The following PPARGC1A variants were observed in gnomAD, a reference collection of about 807,000 sequenced individuals.
PPARGC1A encodes the protein PPARG coactivator 1 alpha, also known as peroxisome proliferator-activated receptor gamma coactivator 1-alpha.
A neutral mutation model predicts 88.7 loss-of-function variants in PPARGC1A; 25 were observed. That is an observed-to-expected ratio of 0.28 (90% CI 0.21 to 0.39). The LOEUF (loss-of-function observed/expected upper bound fraction) is 0.39, where lower values mean the gene tolerates loss of function less well. Ranked by LOEUF, PPARGC1A falls within the 10% of genes least tolerant of loss-of-function variation. The probability of loss-of-function intolerance (pLI) is 1.00; values close to 1 mark genes in which losing one functional copy is unlikely to be tolerated. For missense variants in PPARGC1A, 880 were observed against 968.7 expected, an observed-to-expected ratio of 0.91 and a Z score of 1.22; for synonymous variants, 363 against 355.6, an observed-to-expected ratio of 1.02 and a Z score of -0.24.
At chr4:23,960,128 G>T in the PPARGC1A span, among the ~76,000 whole-genome samples, 1 of 152,170 alleles carries the variant, frequency 6.6e-6, no homozygotes, top group African/African-American at 2.4e-5. Flanking sequence ...CCCCTGATAA[G>T]GTGGCCAGAT....
chr4:24,226,659 T>C, the PPARGC1A span, among the ~76,000 whole-genome samples: 1 of 152,210 alleles, frequency 6.6e-6, no homozygotes, highest in Admixed American at 6.5e-5. Context: ...AACACAGAAG[T>C]CCTGGGGCTT....
the PPARGC1A span, among the ~76,000 whole-genome samples, chr4:24,387,913 A>AG: frequency 1.0e-4 from 1 of 9,838 alleles, no homozygotes; most frequent in East Asian, 0.028. Flanking sequence ...AGAGAAAGAA[A>AG]GAAAGAAAGA....
chr4:24,408,393 T>C, the PPARGC1A span, among the ~76,000 whole-genome samples: 1 of 152,002 alleles, frequency 6.6e-6, no homozygotes, highest in African/African-American at 2.4e-5. Context: ...ACAGTTCAAA[T>C]TGGGTCAGTT....
chr4:24,077,556 C>A, the PPARGC1A span, among the ~76,000 whole-genome samples: 1 of 140,406 alleles, frequency 7.1e-6, no homozygotes, highest in Admixed American at 7.1e-5. Context: ...TTTTTTTTTT[C>A]TTCCTGAATA....
chr4:24,416,662 G>C, the PPARGC1A span, among the ~76,000 whole-genome samples: 1 of 152,172 alleles, frequency 6.6e-6, no homozygotes, highest in Non-Finnish European at 1.5e-5. Flanking sequence ...GAACTGGCCC[G>C]TGGGAGAGGC....
chr4:24,327,645 AT>A, the PPARGC1A span, among the ~76,000 whole-genome samples: 2 of 151,120 alleles, frequency 1.3e-5, no homozygotes, highest in Admixed American at 1.3e-4. Context: ...TTACCACAAG[AT>A]CTCCCTTCAG....
intron 7 of PPARGC1A, among the ~76,000 whole-genome samples, chr4:23,824,001 A>C (rs565512497): frequency 1.3e-5 from 2 of 152,238 alleles, no homozygotes; most frequent in South Asian, 4.1e-4. Context: ...CAAGTACCTA[A>C]ACTTAAAGCA....
intron 7 of PPARGC1A, among the ~76,000 whole-genome samples, chr4:23,821,948 A>G (rs1224535977): frequency 1.3e-5 from 2 of 152,152 alleles, no homozygotes; most frequent in Non-Finnish European, 2.9e-5. Context: ...TTTGCTGCTT[A>G]TAAACTGTTT....
At chr4:24,415,848 A>G in the PPARGC1A span, among the ~76,000 whole-genome samples, 1 of 152,166 alleles carries the variant, frequency 6.6e-6, no homozygotes, top group Admixed American at 6.5e-5. Flanking sequence ...AGAATCTGGT[A>G]TGGGGATAAC....
the PPARGC1A span, among the ~76,000 whole-genome samples, chr4:24,207,205 C>T: frequency 6.6e-6 from 1 of 152,098 alleles, no homozygotes; most frequent in Admixed American, 6.6e-5. Context: ...AGAGAGGTTA[C>T]TCAATGGAGT....
At chr4:24,344,081 TTTATGTCTGTGTAGTATTCCATTA>T in the PPARGC1A span, among the ~76,000 whole-genome samples, 1 of 143,800 alleles carries the variant, frequency 7.0e-6, no homozygotes, top group Non-Finnish European at 1.5e-5. Flanking sequence ...TTCATTCCTT[TTTATGTCTGTGTAGTATTCCATTA>T]TATATATATA....
At chr4:24,096,793 G>A in the PPARGC1A span, among the ~76,000 whole-genome samples, 12,494 of 152,120 alleles carry the variant, frequency 0.082, 585 homozygotes, top group East Asian at 0.17. Flanking sequence ...AGCATATTAA[G>A]AATATGCTGA....
chr4:24,383,428 C>T, the PPARGC1A span, among the ~76,000 whole-genome samples: 1 of 152,010 alleles, frequency 6.6e-6, no homozygotes, highest in Non-Finnish European at 1.5e-5. Flanking sequence ...CAAACTCCTC[C>T]GAGCTAAAGG....
the PPARGC1A span, among the ~76,000 whole-genome samples, chr4:24,176,940 TGG>T: frequency 2.0e-5 from 3 of 152,210 alleles, no homozygotes; most frequent in Non-Finnish European, 4.4e-5. Flanking sequence ...CAACACCAGA[TGG>T]TAAGTTCCTT....
the PPARGC1A span, among the ~76,000 whole-genome samples, chr4:24,124,643 T>C: frequency 2.6e-5 from 4 of 151,462 alleles, no homozygotes; most frequent in South Asian, 8.4e-4. Flanking sequence ...TCAAATGACA[T>C]TGGAGAGGAA....
Position 23,799,630 on chromosome 4 carries a change from T to A in PPARGC1A, c.2293+2100A>T, listed in dbSNP as rs551817791. ...ATCCTACTACAATGCACATCAAACA[T>A]ACTTTTCAGAAAATACAGAGCGAGC... On this transcript the variant is annotated intron_variant, in intron 12 of 12. Coordinates refer to ENST00000264867, the MANE Select transcript of PPARGC1A (RefSeq NM_013261.5). Among the ~76,000 whole-genome samples, 6 of 152,304 alleles carry A rather than the reference T, an allele frequency of 3.9e-5. No homozygotes were observed. The South Asian group carries it at 1.0e-3, about 26-fold the overall frequency.
At chr4:24,246,219 T>C in the PPARGC1A span, among the ~76,000 whole-genome samples, 1 of 152,208 alleles carries the variant, frequency 6.6e-6, no homozygotes, top group Non-Finnish European at 1.5e-5. Context: ...AATATATTAT[T>C]GGCATGAAAT....
rs191544286 is a variant in PPARGC1A at position 23,875,867 on chromosome 4, T to C, written c.234+8885A>G. On this transcript the variant is annotated intron_variant, in intron 2 of 12. Coordinates refer to ENST00000264867, the MANE Select transcript of PPARGC1A (RefSeq NM_013261.5). ...TTGCTATGCTGCCCACTGTACATTGTAGCTTGAAGCTATTTAGTTCACGTT... is the reference window on the plus strand; with the variant it reads ...TTGCTATGCTGCCCACTGTACATTGCAGCTTGAAGCTATTTAGTTCACGTT... 27 of 152,360 alleles carry C rather than the reference T, an allele frequency of 1.8e-4. No homozygotes were observed. In the East Asian group the frequency reaches 4.8e-3, roughly 27 times the overall value. The allele number at this position is 152,360 out of a possible 1,614,324, so 9.4% of individuals were successfully genotyped here.
At chr4:24,248,249 G>A in the PPARGC1A span, among the ~76,000 whole-genome samples, 9 of 151,842 alleles carry the variant, frequency 5.9e-5, no homozygotes, top group Admixed American at 4.6e-4. Context: ...CTCAGCCTCC[G>A]AAGTAGCTGG....
Sources: allele counts gnomAD v4.1 joint callset (sites outside exome capture counted in the v4.1 genomes callset), GRCh38; gene constraint gnomAD v4.1.1; transcripts MANE v1.5; gene names NCBI Gene and HGNC (gene_info 2026-07-23, HGNC 2026-07-21).